TLCD4: variants seen among roughly 807,000 people sequenced by gnomAD.
TLCD4 encodes the protein TLC domain-containing protein 4.
In TLCD4, 7 loss-of-function variants were observed where a neutral mutation model predicts 24.2. The observed-to-expected ratio is 0.29, with a 90% confidence interval of 0.16 to 0.54. TLCD4 has a LOEUF of 0.54. TLCD4 is among the 20% of genes least tolerant of loss of function. The pLI is 0.95. For missense variants in TLCD4, 259 were observed against 313.9 expected (o/e 0.82, Z 1.32); for synonymous variants, 103 against 106.4 (o/e 0.97, Z 0.20).
Position 95,191,593 on chromosome 1 carries a change from A to G in TLCD4, c.517A>G (p.Ile173Val). The G allele has an allele frequency of 1.2e-6, 2 of 1,613,842 alleles. No homozygotes were observed. The highest frequency in any genetic ancestry group is 8.5e-7 in the Non-Finnish European group (1 of 1,179,928). ...ALKYPKFSKA[I>V]VINGILMTVV... ...GAAGTATCCCAAGTTTTCTAAAGCT[A>G]TCGTTATCAATGGAATACTCATGAC... The change falls in exon 7 of 7, where the codon ATC (isoleucine) becomes GTC (valine). Residue 173 changes from isoleucine (I) to valine (V), a missense_variant. Coordinates refer to ENST00000370203, the MANE Select transcript of TLCD4 (RefSeq NM_152487.3).
At chr1:95,141,385 A>G (rs1677193534) in intron 1 of TLCD4, among the ~76,000 whole-genome samples, 1 of 152,210 alleles carries the variant, frequency 6.6e-6, no homozygotes. Context: ...AATTTTAACA[A>G]ACTAAATGAG....
intron 5 of TLCD4, among the ~76,000 whole-genome samples, chr1:95,161,933 A>G (rs1269344547): frequency 1.2e-4 from 18 of 151,918 alleles, no homozygotes; most frequent in East Asian, 1.9e-4. Context: ...TGTGTGGTCA[A>G]TTTTGGAATA....
the TLCD4 span, among the ~76,000 whole-genome samples, chr1:95,111,501 A>G: frequency 6.6e-6 from 1 of 152,212 alleles, no homozygotes; most frequent in Non-Finnish European, 1.5e-5. Context: ...CATGAAAATG[A>G]TAGTGTAGAA....
the TLCD4 span, among the ~76,000 whole-genome samples, chr1:95,103,869 G>T: frequency 1.6e-3 from 241 of 152,308 alleles, 1 homozygote; most frequent in Middle Eastern, 0.034. Flanking sequence ...TTTGGATTAA[G>T]ACAAAGTGAA....
chr1:95,173,791 G>C (rs1330287290), intron 5 of TLCD4, 25 bp from the exon 6 acceptor site: 6 of 1,613,562 alleles, frequency 3.7e-6, no homozygotes, highest in Non-Finnish European at 4.2e-6. Context: ...TATCCTTGAC[G>C]TTGTGTTTTA....
At chr1:95,133,882 G>C (rs1676972081) in intron 1 of TLCD4, among the ~76,000 whole-genome samples, 1 of 151,894 alleles carries the variant, frequency 6.6e-6, no homozygotes, top group Non-Finnish European at 1.5e-5. Context: ...TTAGGATTTT[G>C]TCAACTCTTG....
chr1:95,160,305 T>C (rs1557688451), intron 5 of TLCD4, among the ~76,000 whole-genome samples: 1 of 152,192 alleles, frequency 6.6e-6, no homozygotes, highest in African/African-American at 2.4e-5. Context: ...TGGTTCTCTG[T>C]TTGTCTGTTA....
At chr1:95,104,717 T>G in the TLCD4 span, among the ~76,000 whole-genome samples, 1 of 149,080 alleles carries the variant, frequency 6.7e-6, no homozygotes, top group African/African-American at 2.5e-5. Context: ...CATCATAGCT[T>G]AGCCCAGCCT....
At chr1:95,106,741 A>C in the TLCD4 span, among the ~76,000 whole-genome samples, 129,069 of 152,170 alleles carry the variant, frequency 0.85, 54,852 homozygotes, top group East Asian at 0.91. Context: ...ATAAAAAATT[A>C]TTAATATATT....
chr1:95,107,681 T>C, the TLCD4 span, among the ~76,000 whole-genome samples: 1 of 152,118 alleles, frequency 6.6e-6, no homozygotes, highest in Non-Finnish European at 1.5e-5. Flanking sequence ...AAATCGTACA[T>C]AGGAACAGGA....
At position 95,169,949 on chromosome 1, in the gene TLCD4, G is replaced by A. The variant is rs1487188308; in HGVS notation, c.400-3867G>A. Among the ~76,000 whole-genome samples the A allele has an allele frequency of 2.0e-5, 3 of 152,146 alleles. No individual in the cohort carries two copies. In the East Asian group the frequency reaches 5.8e-4, roughly 29 times the overall value. On this transcript the variant is annotated intron_variant, in intron 5 of 6. Coordinates refer to ENST00000370203, the MANE Select transcript of TLCD4 (RefSeq NM_152487.3). Reference sequence around the variant, plus strand: ...GAGTCTGCTTTAAAATACTTTATAAGTTGTATAAAAATAAATTTTGGTATT... The same window carrying A: ...GAGTCTGCTTTAAAATACTTTATAAATTGTATAAAAATAAATTTTGGTATT...
At chr1:95,143,811 A>G (rs1311897007) in intron 1 of TLCD4, 80 bp from the exon 2 acceptor site, 32 of 1,233,518 alleles carry the variant, frequency 2.6e-5, no homozygotes, top group African/African-American at 3.1e-5. Context: ...CTAAAATTAC[A>G]AGACATATTT....
chr1:95,184,167 A>G (rs182225840), intron 6 of TLCD4, among the ~76,000 whole-genome samples: 172 of 152,294 alleles, frequency 1.1e-3, no homozygotes, highest in African/African-American at 4.0e-3. Flanking sequence ...AAGGATGTCA[A>G]CAAAGATCCA....
At chr1:95,114,730 T>C (rs909781218), upstream of TLCD4, among the ~76,000 whole-genome samples, 5 of 151,610 alleles carry the variant, frequency 3.3e-5, no homozygotes, top group African/African-American at 1.2e-4. Context: ...TTCGGGAGGC[T>C]GAAGCACGAG....
chr1:95,095,559 A>G, the TLCD4 span, among the ~76,000 whole-genome samples: 4 of 151,850 alleles, frequency 2.6e-5, no homozygotes, highest in South Asian at 8.3e-4. Flanking sequence ...CACCAAGCCC[A>G]GCTAATCTTT....
Position 95,143,971 on chromosome 1 carries a change from T to C in TLCD4, c.70T>C (p.Tyr24His), listed in dbSNP as rs1266101906. The C allele has an allele frequency of 1.3e-6, 2 of 1,577,184 alleles. No homozygotes were observed. The highest frequency in any genetic ancestry group is 1.7e-6 in the Non-Finnish European group (2 of 1,162,656). The change falls in exon 2 of 7, where the codon TAC (tyrosine) becomes CAC (histidine). Residue 24 changes from tyrosine to histidine, a missense_variant. Tyr to His is a moderately conservative substitution (Grantham distance 83). Transcript: ENST00000370203. ...ISFFTFQLLFYFVSYWFSAKV... is the reference protein window; with the variant it reads ...ISFFTFQLLFHFVSYWFSAKV... ...CTTTTTCACCTTTCAGCTTCTTTTC[T>C]ACTTTGTAAGTTACTGGTTTTCAGC...
At chr1:95,166,369 T>G (rs1028057521) in intron 5 of TLCD4, among the ~76,000 whole-genome samples, 8 of 152,212 alleles carry the variant, frequency 5.3e-5, no homozygotes, top group African/African-American at 1.9e-4. Flanking sequence ...CAAAGTGAGA[T>G]GAAAAGCTGA....
intron 5 of TLCD4, among the ~76,000 whole-genome samples, chr1:95,171,506 T>C (rs1161147095): frequency 6.6e-6 from 1 of 152,220 alleles, no homozygotes; most frequent in Non-Finnish European, 1.5e-5. Flanking sequence ...TGTATTGACA[T>C]AGTGTTAGTT....
At chr1:95,099,239 G>A in the TLCD4 span, among the ~76,000 whole-genome samples, 2 of 147,230 alleles carry the variant, frequency 1.4e-5, no homozygotes, top group Non-Finnish European at 3.0e-5. Flanking sequence ...ACCAGCCTGG[G>A]CGACATGGTG....
Sources: allele counts gnomAD v4.1 joint callset (sites outside exome capture counted in the v4.1 genomes callset), GRCh38; gene constraint gnomAD v4.1.1; transcripts MANE v1.5; gene names NCBI Gene and HGNC (gene_info 2026-07-23, HGNC 2026-07-21).